GLI3: variants seen among roughly 807,000 people sequenced by gnomAD.
GLI3 encodes the protein GLI family zinc finger 3, also known as transcription activator GLI3.
A neutral mutation model predicts 100.8 loss-of-function variants in GLI3; 20 were observed. The ratio of observed to expected loss-of-function variants is 0.20; its 90% CI spans 0.14 to 0.29. The LOEUF (loss-of-function observed/expected upper bound fraction) is 0.29. Among genes scored for constraint, GLI3 ranks in the 10% least tolerant of loss-of-function variants. The pLI is 1.00. For synonymous variants in GLI3, 938 were observed against 860.5 expected, an observed-to-expected ratio of 1.09 and a Z score of -1.58; for missense variants, 2,040 against 2,128.5, an observed-to-expected ratio of 0.96 and a Z score of 0.82.
At chr7:42,190,864 A>G (rs973713434) in intron 2 of GLI3, among the ~76,000 whole-genome samples, 11 of 152,198 alleles carry the variant, frequency 7.2e-5, no homozygotes, top group African/African-American at 2.7e-4. Flanking sequence ...GATTAGAAAT[A>G]TTATGAAAAA....
intron 2 of GLI3, among the ~76,000 whole-genome samples, chr7:42,214,595 C>T (rs1186158524): frequency 1.3e-5 from 2 of 149,260 alleles, no homozygotes; most frequent in Non-Finnish European, 3.0e-5. Flanking sequence ...ATTCTGTCTA[C>T]CTGAGACAAA....
chr7:41,995,256 C>T (rs746976236), intron 10 of GLI3, among the ~76,000 whole-genome samples: 6 of 152,188 alleles, frequency 3.9e-5, no homozygotes, highest in Non-Finnish European at 8.8e-5. Flanking sequence ...CCTTGCCACC[C>T]ATGATGGATG....
upstream of GLI3, among the ~76,000 whole-genome samples, chr7:42,240,934 C>T (rs1788918208): frequency 6.6e-6 from 1 of 152,192 alleles, no homozygotes. Flanking sequence ...CCCTCACTTA[C>T]CATGGCAGTT....
At chr7:42,169,248 C>A (rs1787311770) in intron 2 of GLI3, among the ~76,000 whole-genome samples, 1 of 152,060 alleles carries the variant, frequency 6.6e-6, no homozygotes, top group South Asian at 2.1e-4. Context: ...TTTTAGACAG[C>A]CTAATATATA....
intron 3 of GLI3, among the ~76,000 whole-genome samples, chr7:42,127,161 C>T (rs763533750): frequency 6.6e-6 from 1 of 152,222 alleles, no homozygotes; most frequent in Non-Finnish European, 1.5e-5. Flanking sequence ...ATTGCAGGCA[C>T]TCCTTCTGGT....
At chr7:42,263,551 A>C (rs1789167140) in intron 1 of GLI3, among the ~76,000 whole-genome samples, 1 of 152,036 alleles carries the variant, frequency 6.6e-6, no homozygotes, top group Non-Finnish European at 1.5e-5. Context: ...TGTTCAAGCA[A>C]TTCTCCTGCC....
chr7:42,134,800 A>AG (rs1422154756), intron 3 of GLI3, among the ~76,000 whole-genome samples: 2 of 152,140 alleles, frequency 1.3e-5, no homozygotes, highest in Non-Finnish European at 2.9e-5. Context: ...TCTAAAATTC[A>AG]GGGGAGCATT....
At chr7:42,161,980 G>A (rs1316670453) in intron 2 of GLI3, among the ~76,000 whole-genome samples, 1 of 152,200 alleles carries the variant, frequency 6.6e-6, no homozygotes, top group African/African-American at 2.4e-5. Context: ...ACTCATCCAT[G>A]TCAAGGGCTC....
At chr7:42,162,504 T>G (rs1787149507) in intron 2 of GLI3, among the ~76,000 whole-genome samples, 1 of 152,222 alleles carries the variant, frequency 6.6e-6, no homozygotes, top group African/African-American at 2.4e-5. Context: ...GATTTCGCAC[T>G]GCACTGCTGC....
chr7:42,225,602 C>T (rs1788566687), intron 1 of GLI3, among the ~76,000 whole-genome samples: 1 of 152,182 alleles, frequency 6.6e-6, no homozygotes, highest in Admixed American at 6.5e-5. Context: ...CTCAGGTGAT[C>T]CACCCGCCTC....
At chr7:42,211,662 C>A (rs1223497682) in intron 2 of GLI3, among the ~76,000 whole-genome samples, 1 of 152,084 alleles carries the variant, frequency 6.6e-6, no homozygotes, top group African/African-American at 2.4e-5. Flanking sequence ...CTTATCATTG[C>A]CACTAAAACA....
At chr7:42,037,527 G>T (rs1784039703) in intron 7 of GLI3, among the ~76,000 whole-genome samples, 1 of 152,140 alleles carries the variant, frequency 6.6e-6, no homozygotes, top group Non-Finnish European at 1.5e-5. Context: ...ATCTCATCTT[G>T]GGTTATCTGC....
At chr7:42,253,795 A>G (rs546679525) in intron 1 of GLI3, among the ~76,000 whole-genome samples, 1 of 152,334 alleles carries the variant, frequency 6.6e-6, no homozygotes, top group South Asian at 2.1e-4. Flanking sequence ...TTGTTACGCT[A>G]AGATCCTTGA....
At chr7:42,041,389 A>G (rs1256557673) in intron 6 of GLI3, among the ~76,000 whole-genome samples, 1 of 152,230 alleles carries the variant, frequency 6.6e-6, no homozygotes, top group Non-Finnish European at 1.5e-5. Flanking sequence ...GTGAGCTTCA[A>G]GACACAGAGA....
At chr7:42,254,248 G>T (rs1239925790) in intron 1 of GLI3, among the ~76,000 whole-genome samples, 1 of 145,456 alleles carries the variant, frequency 6.9e-6, no homozygotes, top group African/African-American at 2.5e-5. Context: ...TGGAATAGAG[G>T]ATATCGCCTT....
At chr7:42,022,039 A>T (rs1788957097) in intron 10 of GLI3, among the ~76,000 whole-genome samples, 1 of 152,226 alleles carries the variant, frequency 6.6e-6, no homozygotes, top group Admixed American at 6.5e-5. Context: ...AATTAAAGAG[A>T]AAGAATCGAA....
rs59941465 is a variant in GLI3 at position 42,202,346 on chromosome 7, T to TCA, written c.124+20782_124+20783dup. Among the ~76,000 whole-genome samples, 385 of 115,302 alleles carry TCA rather than the reference T, an allele frequency of 3.3e-3. 1 individual carries two copies. The highest frequency in any genetic ancestry group is 5.1e-3 in the Non-Finnish European group (286 of 56,000). 75.6% of individuals were successfully genotyped at this position (115,302 alleles called of 152,430 possible). A position where few individuals can be genotyped will look rare whatever the true frequency, so the allele number is the denominator to read the frequency against. On this transcript the variant is annotated intron_variant, in intron 2 of 14. Coordinates refer to ENST00000395925, the MANE Select transcript of GLI3 (RefSeq NM_000168.6). The stretch of plus-strand genomic sequence containing the variant: ...CTCTCTCTCTCTCTCTCTCTCTCTC[T>TCA]CACACACACACACACACACACACAC...
chr7:41,975,637 A>G (rs886293571), intron 12 of GLI3, among the ~76,000 whole-genome samples: 1 of 152,236 alleles, frequency 6.6e-6, no homozygotes, highest in African/African-American at 2.4e-5. Context: ...ACTCTCACAC[A>G]ACATTGCACT....
intron 2 of GLI3, 101 bp downstream of exon 2, chr7:42,223,029 G>A: frequency 7.1e-7 from 1 of 1,409,030 alleles, no homozygotes; most frequent in Non-Finnish European, 1.0e-6. Context: ...GCGTCTCCTA[G>A]AACAAACACT....
Sources: allele counts gnomAD v4.1 joint callset (sites outside exome capture counted in the v4.1 genomes callset), GRCh38; gene constraint gnomAD v4.1.1; transcripts MANE v1.5; gene names NCBI Gene and HGNC (gene_info 2026-07-23, HGNC 2026-07-21).